Variants in NAALADL2 observed in about 807,000 individuals in gnomAD.
NAALADL2 encodes inactive N-acetylated-alpha-linked acidic dipeptidase-like protein 2.
In NAALADL2, 76 loss-of-function variants were observed where a neutral mutation model predicts 87.2. That is an observed-to-expected ratio of 0.87 (90% CI 0.72 to 1.05). NAALADL2 has a LOEUF of 1.05. Ranked by LOEUF, NAALADL2 falls within the 50% of genes least tolerant of loss-of-function variation. The pLI, the probability that NAALADL2 is intolerant of heterozygous loss-of-function variation, is 0.00. For missense variants in NAALADL2, 1,089 were observed against 945.8 expected, an observed-to-expected ratio of 1.15 and a Z score of -1.99; for synonymous variants, 354 against 331.0, an observed-to-expected ratio of 1.07 and a Z score of -0.75.
intron 2 of NAALADL2, among the ~76,000 whole-genome samples, chr3:175,127,742 G>A (rs1461229871): frequency 6.6e-6 from 1 of 151,946 alleles, no homozygotes. Flanking sequence ...TTAATAGCTG[G>A]GCATGGGGGT....
chr3:174,446,230 A>G (rs1317519501), intron 1 of NAALADL2, among the ~76,000 whole-genome samples: 1 of 152,182 alleles, frequency 6.6e-6, no homozygotes, highest in East Asian at 1.9e-4. Flanking sequence ...GGAATATAGT[A>G]GAGATATTTT....
intron 1 of NAALADL2, among the ~76,000 whole-genome samples, chr3:175,001,267 AT>A (rs756487040): frequency 2.0e-5 from 3 of 152,170 alleles, no homozygotes; most frequent in Non-Finnish European, 4.4e-5. Context: ...GGGAATCTGT[AT>A]TTCTGACAAG....
intron 2 of NAALADL2, among the ~76,000 whole-genome samples, chr3:175,146,004 T>A (rs1436600245): frequency 6.6e-6 from 1 of 152,154 alleles, no homozygotes; most frequent in Non-Finnish European, 1.5e-5. Context: ...TAGATTAATG[T>A]AATTCTCAGT....
chr3:174,862,365 C>G (rs543989578), intron 1 of NAALADL2, among the ~76,000 whole-genome samples: 16 of 152,072 alleles, frequency 1.1e-4, no homozygotes, highest in South Asian at 6.2e-4. Context: ...AAGGGAACTA[C>G]CTGGAATATG....
intron 1 of NAALADL2, among the ~76,000 whole-genome samples, chr3:174,952,505 C>T (rs1185371665): frequency 6.6e-6 from 1 of 152,020 alleles, no homozygotes; most frequent in Non-Finnish European, 1.5e-5. Flanking sequence ...ATATTGAGTT[C>T]AGTAGGCACA....
chr3:175,785,682 T>C (rs1280812647), intron 13 of NAALADL2, among the ~76,000 whole-genome samples: 5 of 135,898 alleles, frequency 3.7e-5, no homozygotes, highest in South Asian at 2.5e-4. Context: ...TGTCTTTTAA[T>C]TGGAGCATTT....
intron 5 of NAALADL2, among the ~76,000 whole-genome samples, chr3:175,444,032 T>C (rs60267741): frequency 0.041 from 6,284 of 152,162 alleles, 170 homozygotes; most frequent in East Asian, 0.085. Context: ...ACGTGGCTCA[T>C]GGAGTATGTA....
intron 9 of NAALADL2, among the ~76,000 whole-genome samples, chr3:175,523,000 T>C (rs1732867123): frequency 6.6e-6 from 1 of 152,214 alleles, no homozygotes; most frequent in Non-Finnish European, 1.5e-5. Context: ...TTAACCTGGG[T>C]ACACAGGGAA....
chr3:174,765,494 G>A (rs1713690470), intron 3 of NAALADL2, among the ~76,000 whole-genome samples: 1 of 152,062 alleles, frequency 6.6e-6, no homozygotes, highest in Non-Finnish European at 1.5e-5. Context: ...GCAGTTTCCT[G>A]TAGTTTTCCA....
chr3:174,504,093 G>A (rs952079902), intron 1 of NAALADL2, among the ~76,000 whole-genome samples: 5 of 152,026 alleles, frequency 3.3e-5, no homozygotes, highest in African/African-American at 1.2e-4. Context: ...AGGTATTGTA[G>A]GCACTCAAAG....
intron 7 of NAALADL2, among the ~76,000 whole-genome samples, chr3:175,464,563 C>T (rs1010245026): frequency 1.3e-5 from 2 of 152,138 alleles, no homozygotes; most frequent in Non-Finnish European, 2.9e-5. Flanking sequence ...GCATGTAACA[C>T]TCTTTTTATT....
intron 9 of NAALADL2, among the ~76,000 whole-genome samples, chr3:175,555,344 A>G (rs1306577498): frequency 6.6e-6 from 1 of 152,212 alleles, no homozygotes; most frequent in Non-Finnish European, 1.5e-5. Flanking sequence ...AGTCTTTCAA[A>G]TAGCAGTGAG....
chr3:175,348,486 G>A (rs62287020), intron 5 of NAALADL2, among the ~76,000 whole-genome samples: 39,390 of 152,084 alleles, frequency 0.26, 5,596 homozygotes, highest in East Asian at 0.4. Flanking sequence ...TTCTCTCACA[G>A]TTCTGGAGGT....
chr3:175,228,126 G>A (rs964895026), intron 2 of NAALADL2, among the ~76,000 whole-genome samples: 1 of 151,758 alleles, frequency 6.6e-6, no homozygotes, highest in African/African-American at 2.4e-5. Flanking sequence ...TTTCTATAAA[G>A]GTGTGCTCAT....
chr3:174,726,629 A>G (rs1428818510), intron 2 of NAALADL2, among the ~76,000 whole-genome samples: 1 of 151,890 alleles, frequency 6.6e-6, no homozygotes, highest in Non-Finnish European at 1.5e-5. Context: ...CTTTCCATCT[A>G]TTAAATCTGT....
At chr3:175,029,536 T>C (rs13318274) in intron 1 of NAALADL2, among the ~76,000 whole-genome samples, 14,021 of 152,010 alleles carry the variant, frequency 0.092, 636 homozygotes, top group Middle Eastern at 0.2. Context: ...TTTGCAAATA[T>C]ATATACACAA....
chr3:175,626,031 G>A (rs958383544), intron 10 of NAALADL2, among the ~76,000 whole-genome samples: 18 of 151,908 alleles, frequency 1.2e-4, no homozygotes, highest in African/African-American at 4.4e-4. Flanking sequence ...GTTCATTTTG[G>A]TGTGGTTGTG....
chr3:174,660,925 T>C (rs1327450888), intron 2 of NAALADL2, among the ~76,000 whole-genome samples: 1 of 152,098 alleles, frequency 6.6e-6, no homozygotes, highest in Non-Finnish European at 1.5e-5. Flanking sequence ...GGGTTATTAA[T>C]AGGAAAGCAT....
At chr3:174,821,746 T>A (rs564229731) in intron 3 of NAALADL2, among the ~76,000 whole-genome samples, 248 of 152,294 alleles carry the variant, frequency 1.6e-3, no homozygotes, top group African/African-American at 5.7e-3. Context: ...GGGAGCCAAT[T>A]ATCTGGAAGG....
Sources: allele counts gnomAD v4.1 joint callset (sites outside exome capture counted in the v4.1 genomes callset), GRCh38; gene constraint gnomAD v4.1.1; transcripts MANE v1.5; gene names NCBI Gene and HGNC (gene_info 2026-07-23, HGNC 2026-07-21).